SPOCK3: variants seen among roughly 807,000 people sequenced by gnomAD.
SPOCK3 encodes testican-3.
In SPOCK3, 30 loss-of-function variants were observed where a neutral mutation model predicts 56.6. The observed-to-expected ratio is 0.53, with a 90% CI of 0.40 to 0.72. SPOCK3 has a LOEUF of 0.72. Ranked by LOEUF, SPOCK3 falls within the 30% of genes least tolerant of loss-of-function variation. The pLI, the probability that SPOCK3 is intolerant of heterozygous loss-of-function variation, is 0.00. For synonymous variants in SPOCK3, 196 were observed against 183.3 expected, an observed-to-expected ratio of 1.07 and a Z score of -0.56; for missense variants, 527 against 530.0, an observed-to-expected ratio of 0.99 and a Z score of 0.06.
chr4:166,961,332 T>C (rs1744127617), intron 4 of SPOCK3, among the ~76,000 whole-genome samples: 1 of 152,036 alleles, frequency 6.6e-6, no homozygotes, highest in Non-Finnish European at 1.5e-5. Flanking sequence ...ATTTTAAGCA[T>C]ATAATCTAAC....
intron 4 of SPOCK3, among the ~76,000 whole-genome samples, chr4:166,917,571 T>A (rs1469720619): frequency 1.3e-5 from 2 of 152,192 alleles, no homozygotes; most frequent in Non-Finnish European, 2.9e-5. Context: ...TTTCTAAAAA[T>A]CTGACTTAAA....
At chr4:166,951,983 A>G (rs927834279) in intron 4 of SPOCK3, among the ~76,000 whole-genome samples, 3 of 152,108 alleles carry the variant, frequency 2.0e-5, no homozygotes, top group African/African-American at 7.2e-5. Flanking sequence ...ATCATACTGA[A>G]TGGGCAAAAA....
intron 2 of SPOCK3, among the ~76,000 whole-genome samples, chr4:167,160,348 C>G (rs1382614535): frequency 1.3e-5 from 2 of 151,996 alleles, no homozygotes; most frequent in South Asian, 2.1e-4. Flanking sequence ...TGTGAAGGAC[C>G]TCTTCAAGGA....
chr4:167,205,266 C>CTATAATA (rs1561320923), intron 2 of SPOCK3, among the ~76,000 whole-genome samples: 1 of 50,960 alleles, frequency 2.0e-5, no homozygotes, highest in Non-Finnish European at 3.5e-5. Context: ...TATTTTATAT[C>CTATAATA]TATAATATAT....
At chr4:166,892,770 C>A (rs1338774665) in intron 5 of SPOCK3, among the ~76,000 whole-genome samples, 1 of 152,028 alleles carries the variant, frequency 6.6e-6, no homozygotes, top group Non-Finnish European at 1.5e-5. Context: ...TTGTGAAAAG[C>A]AAGCCTGCAG....
At chr4:167,026,605 A>T (rs1373283584) in intron 3 of SPOCK3, among the ~76,000 whole-genome samples, 1 of 152,046 alleles carries the variant, frequency 6.6e-6, no homozygotes, top group Non-Finnish European at 1.5e-5. Flanking sequence ...TTAAATTTTA[A>T]ATCAGCTCTT....
chr4:166,846,694 T>G (rs1748095826), intron 6 of SPOCK3, among the ~76,000 whole-genome samples: 1 of 152,150 alleles, frequency 6.6e-6, no homozygotes, highest in Admixed American at 6.5e-5. Flanking sequence ...AATAAGAGCT[T>G]AATACTGTAG....
intron 3 of SPOCK3, among the ~76,000 whole-genome samples, chr4:167,047,422 C>T (rs978794076): frequency 3.9e-5 from 6 of 152,096 alleles, no homozygotes; most frequent in South Asian, 2.1e-4. Context: ...GATAACTAGT[C>T]GTAAACTTTT....
chr4:167,043,433 G>T (rs1400677033), intron 3 of SPOCK3, among the ~76,000 whole-genome samples: 1 of 151,928 alleles, frequency 6.6e-6, no homozygotes, highest in African/African-American at 2.4e-5. Context: ...TTTTCAATCT[G>T]TATATCATTG....
chr4:167,044,473 A>C (rs1215733898), intron 3 of SPOCK3, among the ~76,000 whole-genome samples: 2 of 151,938 alleles, frequency 1.3e-5, no homozygotes, highest in East Asian at 3.9e-4. Flanking sequence ...CTTCAGACTT[A>C]AATTTCTTTT....
At chr4:166,959,367 C>T (rs1045777885) in intron 4 of SPOCK3, among the ~76,000 whole-genome samples, 1 of 152,090 alleles carries the variant, frequency 6.6e-6, no homozygotes, top group Non-Finnish European at 1.5e-5. Context: ...GTAATCCCAG[C>T]ACTTTGGGAG....
intron 4 of SPOCK3, among the ~76,000 whole-genome samples, chr4:166,999,398 GTT>G (rs1260672233): frequency 6.6e-6 from 1 of 152,042 alleles, no homozygotes; most frequent in Non-Finnish European, 1.5e-5. Context: ...AATATTTGCT[GTT>G]TCCTAGAAAT....
At chr4:167,119,220 G>C (rs1761672390) in intron 2 of SPOCK3, among the ~76,000 whole-genome samples, 1 of 152,062 alleles carries the variant, frequency 6.6e-6, no homozygotes, top group Non-Finnish European at 1.5e-5. Context: ...TAGTTAAATA[G>C]AAAGAAAATT....
intron 7 of SPOCK3, among the ~76,000 whole-genome samples, chr4:166,755,295 G>A (rs1560824318): frequency 6.6e-6 from 1 of 152,006 alleles, no homozygotes; most frequent in Non-Finnish European, 1.5e-5. Flanking sequence ...TTGGTCTCCT[G>A]CTTACCTCAA....
chr4:167,115,314 A>T, intron 2 of SPOCK3, among the ~76,000 whole-genome samples: 1 of 147,018 alleles, frequency 6.8e-6, no homozygotes. Context: ...CTGGCCTTGT[A>T]CAGAAAAAAA....
chr4:166,982,312 T>C (rs1159953499), intron 4 of SPOCK3, among the ~76,000 whole-genome samples: 2 of 152,260 alleles, frequency 1.3e-5, no homozygotes, highest in Non-Finnish European at 2.9e-5. Context: ...TGTCTTTTGA[T>C]GACTTTGTAT....
intron 2 of SPOCK3, among the ~76,000 whole-genome samples, chr4:167,153,747 C>T (rs914820254): frequency 1.3e-5 from 2 of 152,166 alleles, no homozygotes; most frequent in African/African-American, 2.4e-5. Context: ...ACTGCACTAG[C>T]GTTCAAATGA....
At chr4:166,981,455 T>C (rs1375111223) in intron 4 of SPOCK3, among the ~76,000 whole-genome samples, 3 of 151,892 alleles carry the variant, frequency 2.0e-5, no homozygotes, top group African/African-American at 4.8e-5. Flanking sequence ...TCTGCAGGCA[T>C]GTCATCCCGA....
chr4:166,744,386 G>A (rs1453978088), intron 8 of SPOCK3, among the ~76,000 whole-genome samples: 1 of 152,182 alleles, frequency 6.6e-6, no homozygotes, highest in Non-Finnish European at 1.5e-5. Flanking sequence ...ACCTGCCTCT[G>A]AGGGTCCTGA....
Sources: gnomAD v4.1 joint callset for allele counts (sites outside exome capture counted in the v4.1 genomes callset) on GRCh38, gnomAD v4.1.1 for gene constraint, MANE v1.5 for transcripts, NCBI Gene and HGNC (gene_info 2026-07-23, HGNC 2026-07-21) for gene names.